The following CSMD1 variants were observed in gnomAD, a reference collection of about 807,000 sequenced individuals.
The protein encoded by CSMD1 is CUB and sushi domain-containing protein 1.
In CSMD1, 213 loss-of-function variants were observed where a neutral mutation model predicts 417.5. The ratio of observed to expected loss-of-function variants is 0.51; its 90% CI spans 0.46 to 0.57. The LOEUF (loss-of-function observed/expected upper bound fraction) is 0.57, where lower values mean the gene tolerates loss of function less well. Ranked by LOEUF, CSMD1 falls within the 20% of genes least tolerant of loss-of-function variation. The pLI, the probability that CSMD1 is intolerant of heterozygous loss-of-function variation, is 0.00. For synonymous variants in CSMD1, 2,862 were observed against 1,736.8 expected, an observed-to-expected ratio of 1.65 and a Z score of -16.11; for missense variants, 6,923 against 4,529.7, an observed-to-expected ratio of 1.53 and a Z score of -15.17.
intron 1 of CSMD1, among the ~76,000 whole-genome samples, chr8:4,945,037 T>A (rs1490547097): frequency 6.6e-6 from 1 of 151,976 alleles, no homozygotes; most frequent in Non-Finnish European, 1.5e-5. Context: ...AAGCAAAAGG[T>A]GGTCTCTTCA....
At chr8:4,828,658 G>C (rs988232469) in intron 1 of CSMD1, among the ~76,000 whole-genome samples, 3 of 152,088 alleles carry the variant, frequency 2.0e-5, no homozygotes, top group Admixed American at 6.6e-5. Context: ...CATGGGGTTG[G>C]CAATATACAT....
chr8:3,357,156 A>G (rs1247546696), intron 21 of CSMD1, among the ~76,000 whole-genome samples: 1 of 152,110 alleles, frequency 6.6e-6, no homozygotes, highest in Non-Finnish European at 1.5e-5. Flanking sequence ...TGAAGACAGC[A>G]CCCGAATGCA....
intron 28 of CSMD1, among the ~76,000 whole-genome samples, chr8:3,220,150 C>CAAAAAAAAG (rs1554471768): frequency 8.8e-6 from 1 of 114,208 alleles, no homozygotes; most frequent in Non-Finnish European, 1.8e-5. Context: ...AAGACCCTGT[C>CAAAAAAAAG]AAAAAAAAAA....
intron 14 of CSMD1, among the ~76,000 whole-genome samples, chr8:3,407,269 TGATA>T (rs776360560): frequency 1.8e-4 from 27 of 151,176 alleles, no homozygotes; most frequent in Admixed American, 7.2e-4. Context: ...GGATATGGAT[TGATA>T]GATGGATGGA....
At chr8:3,031,035 A>C (rs911105901) in intron 50 of CSMD1, among the ~76,000 whole-genome samples, 5 of 151,942 alleles carry the variant, frequency 3.3e-5, no homozygotes, top group Non-Finnish European at 7.4e-5. Flanking sequence ...ATTATTCTAA[A>C]TTTATAAGAA....
chr8:3,387,746 C>G (rs1207031302), intron 17 of CSMD1, 64 bp from the exon 18 acceptor site: 10 of 1,317,226 alleles, frequency 7.6e-6, no homozygotes, highest in African/African-American at 7.4e-5. Context: ...TAATAGAGAC[C>G]CACGCCATCA....
At chr8:4,217,672 T>A (rs1478931910) in intron 3 of CSMD1, among the ~76,000 whole-genome samples, 4 of 144,218 alleles carry the variant, frequency 2.8e-5, no homozygotes, top group Non-Finnish European at 4.6e-5. Flanking sequence ...AAAAAAAAAA[T>A]TAGGAGCTAA....
intron 3 of CSMD1, among the ~76,000 whole-genome samples, chr8:4,170,935 T>C (rs1584952005): frequency 6.6e-6 from 1 of 152,038 alleles, no homozygotes; most frequent in South Asian, 2.1e-4. Context: ...CTGTACAAGC[T>C]GTGTTACGCA....
chr8:4,464,519 C>T (rs745339007), intron 2 of CSMD1, among the ~76,000 whole-genome samples: 8 of 152,152 alleles, frequency 5.3e-5, no homozygotes, highest in African/African-American at 1.9e-4. Flanking sequence ...TATCTCGTGT[C>T]ATTTATTCAA....
At chr8:4,382,804 T>C (rs568381961) in intron 3 of CSMD1, among the ~76,000 whole-genome samples, 3 of 152,338 alleles carry the variant, frequency 2.0e-5, no homozygotes, top group Admixed American at 6.5e-5. Context: ...CAGTGTCAGA[T>C]GCATTAAACC....
Position 3,308,346 on chromosome 8 carries a change from C to T in CSMD1, c.3789G>A (p.Arg1263=). Reference sequence around the variant, plus strand: ...AAGGTAGTGGTTTGTCCCACACTCTCCTGTCTCCACTCAAACAGGTCAGGG... The same window carrying T: ...AAGGTAGTGGTTTGTCCCACACTCTTCTGTCTCCACTCAAACAGGTCAGGG... ...SNTLTCLSGD[R]RVWDKPLPSC... is the part of the protein sequence containing the mutation. Residue 1263 remains arginine, a synonymous_variant, in exon 24 of 70, where the codon AGG becomes AGA. Transcript: ENST00000635120. 6.2e-7 allele frequency: 1 copy of T among 1,613,316 alleles called. No homozygotes were observed. The highest frequency in any genetic ancestry group is 1.1e-5 in the South Asian group (1 of 91,030).
chr8:4,117,773 C>G (rs904708917), intron 3 of CSMD1, among the ~76,000 whole-genome samples: 1 of 151,994 alleles, frequency 6.6e-6, no homozygotes, highest in African/African-American at 2.4e-5. Flanking sequence ...ACACACCAGG[C>G]CCATTCAGAG....
intron 3 of CSMD1, among the ~76,000 whole-genome samples, chr8:4,044,290 C>A (rs926422826): frequency 2.0e-5 from 3 of 152,124 alleles, no homozygotes; most frequent in African/African-American, 7.2e-5. Flanking sequence ...AAAGGAAAAA[C>A]AGAGAAATCA....
intron 3 of CSMD1, among the ~76,000 whole-genome samples, chr8:4,319,462 C>A (rs535629735): frequency 6.6e-6 from 1 of 152,108 alleles, no homozygotes; most frequent in Non-Finnish European, 1.5e-5. Context: ...AATAGCTACT[C>A]CTTCTTAAGG....
chr8:4,363,942 G>T (rs868213321), intron 3 of CSMD1, among the ~76,000 whole-genome samples: 27 of 152,196 alleles, frequency 1.8e-4, no homozygotes, highest in African/African-American at 6.5e-4. Flanking sequence ...TGGTTAACAA[G>T]TACAAAAAAG....
intron 1 of CSMD1, among the ~76,000 whole-genome samples, chr8:4,797,116 G>A (rs1362927294): frequency 2.6e-5 from 4 of 152,192 alleles, no homozygotes; most frequent in African/African-American, 7.2e-5. Context: ...GAATACAGAT[G>A]TGATTGCAGA....
chr8:4,710,200 T>C (rs1447750640), intron 1 of CSMD1, among the ~76,000 whole-genome samples: 4 of 151,972 alleles, frequency 2.6e-5, no homozygotes, highest in Non-Finnish European at 5.9e-5. Flanking sequence ...AGATAAAATA[T>C]ATATACGTAT....
intron 2 of CSMD1, among the ~76,000 whole-genome samples, chr8:4,501,812 G>C (rs1476978680): frequency 6.6e-6 from 1 of 151,954 alleles, no homozygotes; most frequent in Admixed American, 6.6e-5. Flanking sequence ...AAGCGTAGTG[G>C]GCCTTATTTA....
At position 4,650,420 on chromosome 8, in the gene CSMD1, T is replaced by C. The variant is rs1803821783; in HGVS notation, c.86-12862A>G. On this transcript the variant is annotated intron_variant, in intron 1 of 69. Transcript: ENST00000635120. ...TTAACGGATTTGCCACTGTAATTGA[T>C]CTTCAGCTAAATTTCTACATCCATT... 2.0e-5 allele frequency among the ~76,000 whole-genome samples: 3 copies of C among 151,816 alleles called. No homozygotes were observed. In the South Asian group the frequency reaches 6.3e-4, roughly 32 times the overall value.
Sources: gnomAD v4.1 joint callset for allele counts (sites outside exome capture counted in the v4.1 genomes callset) on GRCh38, gnomAD v4.1.1 for gene constraint, MANE v1.5 for transcripts, NCBI Gene and HGNC (gene_info 2026-07-23, HGNC 2026-07-21) for gene names.